Variants in OSBPL8 observed in about 807,000 individuals in gnomAD.
OSBPL8 encodes oxysterol binding protein like 8, also known as oxysterol-binding protein-related protein 8.
In OSBPL8, 59 loss-of-function variants were observed where a neutral mutation model predicts 125.5. The ratio of observed to expected loss-of-function variants is 0.47; its 90% CI spans 0.38 to 0.58. OSBPL8 has a LOEUF of 0.58. Ranked by LOEUF, OSBPL8 falls within the 20% of genes least tolerant of loss-of-function variation. The pLI is 0.00. For synonymous variants in OSBPL8, 330 were observed against 338.9 expected, an observed-to-expected ratio of 0.97 and a Z score of 0.29; for missense variants, 758 against 1,047.8, an observed-to-expected ratio of 0.72 and a Z score of 3.82.
chr12:76,412,228 C>T (rs1868260720), intron 4 of OSBPL8, among the ~76,000 whole-genome samples: 1 of 151,906 alleles, frequency 6.6e-6, no homozygotes, highest in Non-Finnish European at 1.5e-5. Context: ...CAACTCTCCC[C>T]ATTAAAAAAA....
intron 5 of OSBPL8, among the ~76,000 whole-genome samples, chr12:76,405,332 C>T (rs895771457): frequency 6.6e-5 from 10 of 151,936 alleles, no homozygotes; most frequent in African/African-American, 9.7e-5. Flanking sequence ...AGTGGTGTGT[C>T]CCTGTAGTCC....
intron 1 of OSBPL8, among the ~76,000 whole-genome samples, chr12:76,531,820 G>A (rs1411313633): frequency 9.2e-5 from 14 of 152,118 alleles, no homozygotes; most frequent in South Asian, 4.2e-4. Context: ...GGCAGATCAC[G>A]AGGTCAGGAG....
chr12:76,368,422 TA>T (rs1391706800), intron 21 of OSBPL8, among the ~76,000 whole-genome samples: 2 of 151,926 alleles, frequency 1.3e-5, no homozygotes, highest in African/African-American at 2.4e-5. Flanking sequence ...CTTGAATTTG[TA>T]GATTTATATC....
At chr12:76,394,909 T>C (rs1196789834) in intron 8 of OSBPL8, among the ~76,000 whole-genome samples, 180 bp from the exon 9 acceptor site, 1 of 152,136 alleles carries the variant, frequency 6.6e-6, no homozygotes, top group Non-Finnish European at 1.5e-5. Context: ...AAAAATTTTC[T>C]AACAAATATA....
intron 5 of OSBPL8, among the ~76,000 whole-genome samples, chr12:76,403,131 A>C (rs1565867421): frequency 6.6e-6 from 1 of 152,200 alleles, no homozygotes. Flanking sequence ...TCTAAAAACA[A>C]ACAAAGACAC....
chr12:76,394,847 C>T (rs942893579), intron 8 of OSBPL8, 118 bp from the exon 9 acceptor site: 1 of 654,988 alleles, frequency 1.5e-6, no homozygotes, highest in South Asian at 2.9e-5. Context: ...AATCTAAAGG[C>T]AAATGAGCTT....
chr12:76,378,990 A>T (rs1247807322), intron 15 of OSBPL8, among the ~76,000 whole-genome samples: 1 of 151,884 alleles, frequency 6.6e-6, no homozygotes, highest in Non-Finnish European at 1.5e-5. Flanking sequence ...AGCTGATTTT[A>T]ACTCCTGACC....
At chr12:76,382,478 G>A (rs141408381) in intron 15 of OSBPL8, among the ~76,000 whole-genome samples, 1 of 152,196 alleles carries the variant, frequency 6.6e-6, no homozygotes, top group East Asian at 1.9e-4. Context: ...CAGCATTCCT[G>A]GCATCTACCT....
intron 3 of OSBPL8, among the ~76,000 whole-genome samples, chr12:76,459,041 GCAAA>G (rs1347942306): frequency 6.6e-6 from 1 of 152,100 alleles, no homozygotes; most frequent in African/African-American, 2.4e-5. Context: ...CTTGAATGCA[GCAAA>G]CAGTTTCCTT....
chr12:76,488,603 T>A (rs370466774), intron 1 of OSBPL8, among the ~76,000 whole-genome samples: 3 of 152,200 alleles, frequency 2.0e-5, no homozygotes, highest in African/African-American at 7.2e-5. Flanking sequence ...TGATCAATAA[T>A]CCTTGATATT....
chr12:76,538,577 G>T (rs1367647596), intron 1 of OSBPL8, among the ~76,000 whole-genome samples: 2 of 152,198 alleles, frequency 1.3e-5, no homozygotes, highest in Admixed American at 6.5e-5. Flanking sequence ...AGCCCTTTAA[G>T]TATAGTTCAA....
At chr12:76,541,705 A>G (rs1434068755) in intron 1 of OSBPL8, among the ~76,000 whole-genome samples, 1 of 151,446 alleles carries the variant, frequency 6.6e-6, no homozygotes, top group African/African-American at 2.4e-5. Flanking sequence ...AAATACAAAA[A>G]TTAGCCAGGC....
chr12:76,491,444 C>T (rs1045939310), intron 1 of OSBPL8, among the ~76,000 whole-genome samples: 1 of 152,086 alleles, frequency 6.6e-6, no homozygotes, highest in African/African-American at 2.4e-5. Context: ...GTATAAAAGG[C>T]CTTACTGAAA....
At chr12:76,493,273 C>T (rs1358098290) in intron 1 of OSBPL8, among the ~76,000 whole-genome samples, 1 of 152,174 alleles carries the variant, frequency 6.6e-6, no homozygotes, top group East Asian at 1.9e-4. Context: ...GCTTCACAGA[C>T]CAAGAAGAGC....
At chr12:76,451,199 A>C (rs1304191802) in intron 3 of OSBPL8, among the ~76,000 whole-genome samples, 1 of 152,162 alleles carries the variant, frequency 6.6e-6, no homozygotes, top group Non-Finnish European at 1.5e-5. Context: ...GTTTGAGTCA[A>C]ATATACAAAT....
chr12:76,547,009 C>T (rs1020782107), intron 1 of OSBPL8, among the ~76,000 whole-genome samples: 4 of 152,172 alleles, frequency 2.6e-5, no homozygotes, highest in Non-Finnish European at 5.9e-5. Context: ...TTTAAGCCTT[C>T]CAAATCACAA....
chr12:76,437,749 C>T (rs1565896793), intron 4 of OSBPL8, among the ~76,000 whole-genome samples: 1 of 152,116 alleles, frequency 6.6e-6, no homozygotes, highest in East Asian at 1.9e-4. Context: ...GAAGTGATGT[C>T]ACACTGGAAA....
chr12:76,402,981 T>C (rs530647381), intron 5 of OSBPL8, among the ~76,000 whole-genome samples: 48 of 152,330 alleles, frequency 3.2e-4, no homozygotes, highest in African/African-American at 1.1e-3. Flanking sequence ...TATACAAACC[T>C]ACAATGTGAA....
chr12:76,436,167 A>G (rs1871417720), intron 4 of OSBPL8, among the ~76,000 whole-genome samples: 1 of 152,100 alleles, frequency 6.6e-6, no homozygotes, highest in South Asian at 2.1e-4. Flanking sequence ...ATTGGTGCCA[A>G]TGCTTGCATC....
Sources: allele counts gnomAD v4.1 joint callset (sites outside exome capture counted in the v4.1 genomes callset), GRCh38; gene constraint gnomAD v4.1.1; transcripts MANE v1.5; gene names NCBI Gene and HGNC (gene_info 2026-07-23, HGNC 2026-07-21).